Variants in TYW1B observed in about 807,000 individuals in gnomAD.
TYW1B encodes S-adenosyl-L-methionine-dependent tRNA 4-demethylwyosine synthase TYW1B.
Under a neutral mutation model 86.9 loss-of-function variants are expected in TYW1B, and 73 were observed. That is an observed-to-expected ratio of 0.84 (90% CI 0.70 to 1.02). The LOEUF is 1.02. TYW1B is among the 50% of genes least tolerant of loss of function. The pLI is 0.00. For missense variants in TYW1B, 637 were observed against 827.4 expected, an observed-to-expected ratio of 0.77 and a Z score of 2.82; for synonymous variants, 248 against 292.8, an observed-to-expected ratio of 0.85 and a Z score of 1.56.
intron 6 of TYW1B, among the ~76,000 whole-genome samples, chr7:72,797,324 G>A: frequency 6.6e-6 from 1 of 152,284 alleles, no homozygotes; most frequent in East Asian, 1.9e-4. Flanking sequence ...GTGCTTGCAT[G>A]ATGGGATACC....
In TYW1B at chr7:72,745,851, G is replaced by GTGTGT. The variant is rs1787384617; in HGVS notation, c.965-1251_965-1250insACACA. On this transcript the variant is annotated intron_variant, in intron 7 of 13. Coordinates refer to ENST00000620995, the MANE Select transcript of TYW1B (RefSeq NM_001145440.3). ...TGAGTAGCCTTTACACGTGTATAGG[G>GTGTGT]GTGTGTGTGTGTGTGTGTGTGTGTG... Among the ~76,000 whole-genome samples, 5 of 75,156 alleles carry GTGTGT rather than the reference G, an allele frequency of 6.7e-5. No homozygotes were observed. In the South Asian group the frequency reaches 1.6e-3, roughly 24 times the overall value. 49.3% of individuals were successfully genotyped at this position (75,156 alleles called of 152,430 possible). A position where few individuals can be genotyped will look rare whatever the true frequency, so the allele number is the denominator to read the frequency against.
intron 7 of TYW1B, among the ~76,000 whole-genome samples, chr7:72,757,378 A>AG (rs2129571626): frequency 6.6e-6 from 1 of 151,684 alleles, no homozygotes; most frequent in East Asian, 1.9e-4. Flanking sequence ...TGGAAAAAAA[A>AG]AAAAAAAACC....
At chr7:72,797,625 G>A (rs183489012) in intron 6 of TYW1B, among the ~76,000 whole-genome samples, 1 of 152,306 alleles carries the variant, frequency 6.6e-6, no homozygotes, top group East Asian at 1.9e-4. Context: ...GCCAAGATGG[G>A]AGGATCCCTT....
chr7:72,593,316 A>G (rs1439869994), intron 13 of TYW1B, among the ~76,000 whole-genome samples: 4 of 151,904 alleles, frequency 2.6e-5, no homozygotes, highest in African/African-American at 9.7e-5. Context: ...AGAAAGAAAG[A>G]AAATAAAGCA....
At chr7:72,821,283 A>G (rs1443230959) in intron 2 of TYW1B, among the ~76,000 whole-genome samples, 6 of 152,164 alleles carry the variant, frequency 3.9e-5, no homozygotes, top group Non-Finnish European at 8.8e-5. Context: ...CTCACACTCA[A>G]ATTCCTGATA....
At chr7:72,822,262 T>C (rs1586011658) in intron 2 of TYW1B, among the ~76,000 whole-genome samples, 1 of 143,384 alleles carries the variant, frequency 7.0e-6, no homozygotes, top group South Asian at 2.2e-4. Flanking sequence ...CAGAAGACGA[T>C]CCAAAAGGTA....
intron 7 of TYW1B, among the ~76,000 whole-genome samples, chr7:72,773,733 G>A (rs1485732868): frequency 6.6e-6 from 1 of 152,134 alleles, no homozygotes; most frequent in Non-Finnish European, 1.5e-5. Context: ...ATTTAGAGAA[G>A]AAACAATTAC....
intron 7 of TYW1B, among the ~76,000 whole-genome samples, chr7:72,754,532 G>A (rs1250224599): frequency 6.6e-6 from 1 of 152,024 alleles, no homozygotes; most frequent in Non-Finnish European, 1.5e-5. Context: ...TGTCTCCCAG[G>A]TTCAAGCAAT....
At chr7:72,770,832 A>G (rs148471064) in intron 7 of TYW1B, among the ~76,000 whole-genome samples, 2 of 152,214 alleles carry the variant, frequency 1.3e-5, no homozygotes, top group Non-Finnish European at 2.9e-5. Context: ...GAGCAATAAA[A>G]GTGAATGAAC....
At chr7:72,634,005 C>T (rs1217262741) in intron 11 of TYW1B, among the ~76,000 whole-genome samples, 1 of 152,094 alleles carries the variant, frequency 6.6e-6, no homozygotes, top group Non-Finnish European at 1.5e-5. Context: ...AACTGGAGCT[C>T]CAGTGGCCCA....
intron 4 of TYW1B, among the ~76,000 whole-genome samples, chr7:72,808,396 A>G (rs190950395): frequency 0.021 from 3,128 of 152,250 alleles, 127 homozygotes; most frequent in African/African-American, 0.072. Flanking sequence ...GGCTGCAGCA[A>G]GCCACTGAAC....
At position 72,574,908 on chromosome 7, in the gene TYW1B, T is replaced by C. The variant is rs1364250752; in HGVS notation, c.*590A>G. 2.0e-6 allele frequency: 2 copies of C among 986,172 alleles called. No homozygotes were observed. The highest frequency in any genetic ancestry group is 2.4e-6 in the Non-Finnish European group (2 of 830,530). The allele number at this position is 986,172 out of a possible 1,614,324, so 61.1% of individuals were successfully genotyped here. The stretch of plus-strand genomic sequence containing the variant: ...TGAGATCTAGTAGTTTTAGATCCGA[T>C]GCAATTTTGGGAAGGGTTAGTAATA... On this transcript the variant is annotated 3_prime_UTR_variant, in exon 14 of 14. Transcript: ENST00000620995.
intron 13 of TYW1B, among the ~76,000 whole-genome samples, chr7:72,615,251 G>A (rs148356645): frequency 0.046 from 5,324 of 114,822 alleles, no homozygotes; most frequent in African/African-American, 0.085. Context: ...TAAAGGATTA[G>A]ACTAAAATTA....
chr7:72,708,572 T>C (rs1814666693), intron 10 of TYW1B, among the ~76,000 whole-genome samples: 1 of 152,194 alleles, frequency 6.6e-6, no homozygotes, highest in African/African-American at 2.4e-5. Context: ...TTATCAACAT[T>C]AAAGGAAACT....
chr7:72,813,975 A>G, intron 3 of TYW1B, among the ~76,000 whole-genome samples: 1 of 151,304 alleles, frequency 6.6e-6, no homozygotes, highest in Admixed American at 6.6e-5. Context: ...AGATCACACC[A>G]TTGCACTCCA....
rs1247010398 is a variant in TYW1B, at chr7:72,719,669, G to A, written c.1193-5871C>T. ...AAAAAAAAAAGAAGGTGATAGGCAC[G>A]TGGAGAAGAAAAGAAAGAGCAGGGC... On this transcript the variant is annotated intron_variant, in intron 9 of 13. Coordinates refer to ENST00000620995, the MANE Select transcript of TYW1B (RefSeq NM_001145440.3). 5.4e-5 allele frequency among the ~76,000 whole-genome samples: 8 copies of A among 149,356 alleles called. No individual in the cohort carries two copies. The South Asian group carries it at 1.1e-3, about 20-fold the overall frequency.
At chr7:72,684,356 T>C (rs782009462) in intron 11 of TYW1B, among the ~76,000 whole-genome samples, 3 of 151,988 alleles carry the variant, frequency 2.0e-5, no homozygotes, top group Admixed American at 1.3e-4. Context: ...GCCTTATCTA[T>C]AGAAAAGGAA....
chr7:72,800,581 T>C (rs543503654), intron 6 of TYW1B, among the ~76,000 whole-genome samples: 3 of 152,024 alleles, frequency 2.0e-5, no homozygotes, highest in Non-Finnish European at 4.4e-5. Context: ...TCCTACATAT[T>C]CTTAGAATTT....
chr7:72,578,114 A>AG (rs35352250), intron 13 of TYW1B, among the ~76,000 whole-genome samples: 1 of 129,202 alleles, frequency 7.7e-6, no homozygotes, highest in Admixed American at 7.8e-5. Flanking sequence ...CTTCCTCACC[A>AG]TTTTTTTTTT....
Sources: allele counts gnomAD v4.1 joint callset (sites outside exome capture counted in the v4.1 genomes callset), GRCh38; gene constraint gnomAD v4.1.1; transcripts MANE v1.5; gene names NCBI Gene and HGNC (gene_info 2026-07-23, HGNC 2026-07-21).